The following LRIG2 variants were observed in gnomAD, a reference collection of about 807,000 sequenced individuals.
LRIG2 encodes leucine-rich repeats and immunoglobulin-like domains protein 2.
A neutral mutation model predicts 107.8 loss-of-function variants in LRIG2; 93 were observed. The ratio of observed to expected loss-of-function variants is 0.86; its 90% confidence interval spans 0.73 to 1.03. LRIG2 has a LOEUF of 1.03. Ranked by LOEUF, LRIG2 falls within the 50% of genes least tolerant of loss-of-function variation. The pLI is 0.00. For missense variants in LRIG2, 1,226 were observed against 1,296.0 expected (o/e 0.95, Z 0.83); for synonymous variants, 471 against 470.6 (o/e 1.00, Z -0.01).
intron 5 of LRIG2, 33 bp from the exon 6 acceptor site, chr1:113,094,579 A>G (rs754622908): frequency 4.9e-5 from 78 of 1,598,214 alleles, no homozygotes; most frequent in Non-Finnish European, 5.2e-5. Flanking sequence ...TTAGCAAACC[A>G]ATTTCCTGAC....
In LRIG2 at chr1:113,107,599, T is replaced by C. The variant is rs770810719; in HGVS notation, c.1319T>C (p.Leu440Pro). The C allele has an allele frequency of 1.9e-6, 3 of 1,607,450 alleles. No homozygotes were observed. Among genetic ancestry groups the C allele is most frequent in the East Asian group, 2.2e-5 (1 of 44,764 alleles). Residue 440 changes from leucine (L) to proline (P), a missense_variant, in exon 12 of 18, where the codon CTG (leucine) becomes CCG (proline). Physicochemically the swap from Leu to Pro is moderately conservative, Grantham distance 98. This residue lies in a region of LRIG2 where 570 missense variants were observed against 550.2 expected (regional missense o/e 1.04). Transcript: ENST00000361127. ...FSQTHLKELI[L>P]NTSSLLCDCH... The stretch of plus-strand genomic sequence containing the variant: ...TCCTCTTTTCTTTCCTGCAGGATTC[T>C]GAACACAAGCAGTTTGCTCTGTGAC...
At position 113,073,532 on chromosome 1, in the gene LRIG2, C is replaced by T. The variant is rs1490277325; in HGVS notation, c.126C>T (p.Leu42=). 3.1e-6 allele frequency: 5 copies of T among 1,614,150 alleles called. No individual in the cohort carries two copies. The highest frequency in any genetic ancestry group is 2.2e-5 in the East Asian group (1 of 44,864). ...LLLLPAAGAG[L]CPAPCSCRIP... is the part of the protein sequence containing the mutation. ...TGTTGCCCGCCGCCGGAGCAGGTCT[C>T]TGCCCCGCGCCCTGCTCCTGCCGCA... The change falls in exon 1 of 18, where the codon CTC becomes CTT. Residue 42 remains leucine, a synonymous_variant. Transcript: ENST00000361127.
rs761014591 is a variant in LRIG2, at chr1:113,123,952, C to T, written c.3049C>T (p.His1017Tyr). 2.9e-5 allele frequency: 46 copies of T among 1,613,992 alleles called. 2 individuals are homozygous for T. The South Asian group carries it at 4.8e-4, about 17-fold the overall frequency. ...PHPPFSQQPVHESPQLHQNEG... is the reference protein window; with the variant it reads ...PHPPFSQQPVYESPQLHQNEG... ...TCCTCCTTTTTCCCAGCAGCCAGTCCATGAGTCACCACAACTTCATCAAAA... is the reference window on the plus strand; with the variant it reads ...TCCTCCTTTTTCCCAGCAGCCAGTCTATGAGTCACCACAACTTCATCAAAA... Residue 1017 changes from histidine (H) to tyrosine (Y), a missense_variant, in exon 18 of 18, where the codon CAT becomes TAT. By Grantham distance (83) the His-to-Tyr change is moderately conservative (BLOSUM62 2). Transcript: ENST00000361127.
At chr1:113,119,749 G>A (rs992582237) in intron 17 of LRIG2, among the ~76,000 whole-genome samples, 3 of 152,100 alleles carry the variant, frequency 2.0e-5, no homozygotes, top group African/African-American at 4.8e-5. Context: ...GGGGTAACAG[G>A]ATCACACTAC....
chr1:113,077,162 T>C (rs1653016311), intron 1 of LRIG2, among the ~76,000 whole-genome samples: 1 of 152,074 alleles, frequency 6.6e-6, no homozygotes, highest in Admixed American at 6.6e-5. Context: ...TTTTTTTTTT[T>C]GAGATGGAGT....
intron 11 of LRIG2, among the ~76,000 whole-genome samples, chr1:113,105,963 C>A (rs1316556920): frequency 1.3e-5 from 2 of 152,148 alleles, no homozygotes; most frequent in African/African-American, 4.8e-5. Context: ...GGCATGGTGG[C>A]TCACGCCTGT....
chr1:113,101,985 GA>G (rs140502656), intron 11 of LRIG2, among the ~76,000 whole-genome samples: 4,751 of 148,902 alleles, frequency 0.032, 260 homozygotes, highest in African/African-American at 0.11. Context: ...AACAACTGAA[GA>G]AAAAAAAAAC....
chr1:113,122,775 C>A (rs903002741), intron 17 of LRIG2, among the ~76,000 whole-genome samples: 8 of 152,126 alleles, frequency 5.3e-5, no homozygotes, highest in Non-Finnish European at 1.2e-4. Context: ...AGAGTAATGA[C>A]CCCAGAGCAG....
At chr1:113,116,463 A>G (rs1655020553) in intron 16 of LRIG2, 27 bp downstream of exon 16, 1 of 1,567,250 alleles carries the variant, frequency 6.4e-7, no homozygotes, top group African/African-American at 1.4e-5. Flanking sequence ...TTATGGTTAC[A>G]ATTTCAGCCT....
At chr1:113,076,642 C>T (rs1652994709) in intron 1 of LRIG2, among the ~76,000 whole-genome samples, 1 of 152,146 alleles carries the variant, frequency 6.6e-6, no homozygotes, top group African/African-American at 2.4e-5. Flanking sequence ...CCACCCAGTA[C>T]ATTTGGGTTT....
In LRIG2 at chr1:113,129,166, C is replaced by G. The variant is rs897991008; in HGVS notation, c.*5065C>G. On this transcript the variant is annotated 3_prime_UTR_variant, in exon 18 of 18. Coordinates refer to ENST00000361127, the MANE Select transcript of LRIG2 (RefSeq NM_014813.3). Reference sequence around the variant, plus strand: ...CCTCTACTAAAAATACAAAAATTAGCTGGGCGTGGTGGTGCGCGCCTGTAG... The same window carrying G: ...CCTCTACTAAAAATACAAAAATTAGGTGGGCGTGGTGGTGCGCGCCTGTAG... The G allele has an allele frequency of 2.6e-5, 4 of 152,150 alleles. No individual in the cohort carries two copies. The highest frequency in any genetic ancestry group is 7.2e-5 in the African/African-American group (3 of 41,398). 9.4% of individuals were successfully genotyped at this position (152,150 alleles called of 1,614,324 possible). A position where few individuals can be genotyped will look rare whatever the true frequency, so the allele number is the denominator to read the frequency against.
intron 14 of LRIG2, 149 bp downstream of exon 14, chr1:113,112,909 G>A: frequency 1.2e-6 from 1 of 815,614 alleles, no homozygotes; most frequent in Non-Finnish European, 1.8e-6. Flanking sequence ...GGTTATGTCA[G>A]TCTAGGAATT....
At position 113,100,419 on chromosome 1, in the gene LRIG2, G is replaced by T; in HGVS notation, c.1245-1G>T. 2.0e-6 allele frequency: 3 copies of T among 1,523,910 alleles called. No individual in the cohort carries two copies. Among genetic ancestry groups the T allele is most frequent in the Non-Finnish European group, 2.7e-6 (3 of 1,103,368 alleles). The allele number at this position is 1,523,910 out of a possible 1,614,324, so 94.4% of individuals were successfully genotyped here. On this transcript the variant is annotated splice_acceptor_variant, in intron 10 of 17. Coordinates refer to ENST00000361127, the MANE Select transcript of LRIG2 (RefSeq NM_014813.3). LOFTEE classifies it high-confidence loss of function. Reference sequence around the variant, plus strand: ...TAATGTTTCATTTCTCTTTATTTCAGAGATTTGAACAATAATGCTATAATG... The same window carrying T: ...TAATGTTTCATTTCTCTTTATTTCATAGATTTGAACAATAATGCTATAATG...
At chr1:113,104,581 G>C (rs930336704) in intron 11 of LRIG2, among the ~76,000 whole-genome samples, 7 of 150,850 alleles carry the variant, frequency 4.6e-5, no homozygotes, top group Non-Finnish European at 8.8e-5. Flanking sequence ...GCAGTGGCAC[G>C]ATCTCAGCTC....
chr1:113,124,327 C>G lies in LRIG2; in HGVS notation c.*226C>G, dbSNP rs987798311. On this transcript the variant is annotated 3_prime_UTR_variant, in exon 18 of 18. Coordinates refer to ENST00000361127, the MANE Select transcript of LRIG2 (RefSeq NM_014813.3). ...GCTCATCAAAAATGTGCAGCACCGG[C>G]AGAGGGAAGATACGGGGCAAATGTG... 1.8e-6 allele frequency: 1 copy of G among 569,100 alleles called. No homozygotes were observed. The highest frequency in any genetic ancestry group is 3.1e-5 in the Admixed American group (1 of 32,736). 35.3% of individuals were successfully genotyped at this position (569,100 alleles called of 1,614,324 possible). A position where few individuals can be genotyped will look rare whatever the true frequency, so the allele number is the denominator to read the frequency against.
intron 1 of LRIG2, among the ~76,000 whole-genome samples, chr1:113,079,438 A>G (rs1653153450): frequency 6.6e-6 from 1 of 151,754 alleles, no homozygotes; most frequent in African/African-American, 2.4e-5. Context: ...TAATCCCAGC[A>G]CTTTGGGAGG....
In LRIG2 at chr1:113,116,273, T is replaced by C. The variant is rs1355385872; in HGVS notation, c.2531-14T>C. 1.1e-5 allele frequency: 18 copies of C among 1,597,202 alleles called. No homozygotes were observed. Among genetic ancestry groups the C allele is most frequent in the Non-Finnish European group, 1.5e-5 (18 of 1,169,670 alleles). On this transcript the variant is annotated splice_polypyrimidine_tract_variant and intron_variant, in intron 15 of 17. Transcript: ENST00000361127. ...ACTGCCTACCTTTGAGAGTTAAAAA[T>C]GTCTCTTTTACAGAGGAGCTCAATC...
rs1655644643 is a variant in LRIG2, at chr1:113,130,002, T to C, written c.*5901T>C. ...GCAGCCTTGATATCTCAAGCCCAAG[T>C]GATCCTCCCACCTCAACCACCTGAG... On this transcript the variant is annotated 3_prime_UTR_variant, in exon 18 of 18. Coordinates refer to ENST00000361127, the MANE Select transcript of LRIG2 (RefSeq NM_014813.3). The C allele has an allele frequency of 2.0e-5, 3 of 152,132 alleles. No homozygotes were observed. The highest frequency in any genetic ancestry group is 6.6e-5 in the Admixed American group (1 of 15,258). 9.4% of individuals were successfully genotyped at this position (152,132 alleles called of 1,614,324 possible).
chr1:113,127,183 A>C lies in LRIG2; in HGVS notation c.*3082A>C, dbSNP rs1393409445. ...GTGCAGTATATCTTAAGAAGGGAAG[A>C]GTGCTCTTGGGAGTAGAAGAACATG... is the stretch of plus-strand genomic sequence containing the variant. On this transcript the variant is annotated 3_prime_UTR_variant, in exon 18 of 18. Transcript: ENST00000361127. 6.6e-6 allele frequency: 1 copy of C among 152,122 alleles called. No homozygotes were observed. The highest frequency in any genetic ancestry group is 1.5e-5 in the Non-Finnish European group (1 of 67,998). The allele number at this position is 152,122 out of a possible 1,614,324, so 9.4% of individuals were successfully genotyped here.
Sources: allele counts gnomAD v4.1 joint callset (sites outside exome capture counted in the v4.1 genomes callset), GRCh38; gene constraint gnomAD v4.1.1; regional missense constraint gnomAD v4.1.1; transcripts MANE v1.5; gene names NCBI Gene and HGNC (gene_info 2026-07-23, HGNC 2026-07-21).